The following DIXDC1 variants were observed in gnomAD, a reference collection of about 807,000 sequenced individuals.
DIXDC1 encodes DIX domain containing 1, also known as dixin.
A neutral mutation model predicts 103.1 loss-of-function variants in DIXDC1; 64 were observed. The ratio of observed to expected loss-of-function variants is 0.62; its 90% CI spans 0.51 to 0.76. The LOEUF (loss-of-function observed/expected upper bound fraction) is 0.76. Ranked by LOEUF, DIXDC1 falls within the 30% of genes least tolerant of loss-of-function variation. The pLI, the probability that DIXDC1 is intolerant of heterozygous loss-of-function variation, is 0.00. For synonymous variants in DIXDC1, 266 were observed against 298.5 expected, an observed-to-expected ratio of 0.89 and a Z score of 1.12; for missense variants, 759 against 834.2, an observed-to-expected ratio of 0.91 and a Z score of 1.11.
Position 111,937,386 on chromosome 11 carries a change from T to C in DIXDC1, c.-114T>C. The C allele has an allele frequency of 1.4e-6, 2 of 1,480,396 alleles. No individual in the cohort carries two copies. The highest frequency in any genetic ancestry group is 1.8e-6 in the Non-Finnish European group (2 of 1,115,532). 91.7% of individuals were successfully genotyped at this position (1,480,396 alleles called of 1,614,324 possible). ...GTTTCCAGTAAGTGGCATGCGGGAC[T>C]CCGGAGGGATCCCAATGAGCTGAGC... On this transcript the variant is annotated 5_prime_UTR_variant, in exon 1 of 20. Coordinates refer to ENST00000440460, the MANE Select transcript of DIXDC1 (RefSeq NM_001037954.4).
At chr11:111,937,306 G>C, upstream of DIXDC1, 1 of 1,335,614 alleles carries the variant, frequency 7.5e-7, no homozygotes, top group East Asian at 3.0e-5. Context: ...CCCCTCCAGC[G>C]GAGGCCCCCG....
intron 1 of DIXDC1, among the ~76,000 whole-genome samples, chr11:111,943,196 A>T (rs1245059027): frequency 6.6e-6 from 1 of 151,928 alleles, no homozygotes; most frequent in African/African-American, 2.4e-5. Flanking sequence ...GAGTGCAGTG[A>T]TGTGATCTCA....
intron 10 of DIXDC1, among the ~76,000 whole-genome samples, chr11:111,992,147 G>A (rs1216667308): frequency 6.6e-6 from 1 of 152,098 alleles, no homozygotes; most frequent in African/African-American, 2.4e-5. Context: ...CAGGATTGAG[G>A]GTGGGGACAA....
chr11:112,014,064 T>G (rs1861512319), intron 17 of DIXDC1, among the ~76,000 whole-genome samples: 1 of 152,122 alleles, frequency 6.6e-6, no homozygotes, highest in Admixed American at 6.5e-5. Context: ...ATTAATCTAG[T>G]CTTGAGGAAT....
At chr11:111,937,682 C>A (rs1244144254) in intron 1 of DIXDC1, 123 bp downstream of exon 1, 2 of 959,412 alleles carry the variant, frequency 2.1e-6, no homozygotes, top group East Asian at 2.7e-5. Flanking sequence ...CCCCCAGAAC[C>A]CCAAAGGGGC....
intron 9 of DIXDC1, among the ~76,000 whole-genome samples, chr11:111,987,237 G>A (rs780075434): frequency 1.5e-4 from 22 of 150,436 alleles, no homozygotes; most frequent in Non-Finnish European, 2.8e-4. Context: ...GCAACAAAGT[G>A]AGACTCCATC....
At chr11:111,948,174 A>G (rs1249502705) in intron 1 of DIXDC1, among the ~76,000 whole-genome samples, 4 of 152,188 alleles carry the variant, frequency 2.6e-5, no homozygotes, top group Non-Finnish European at 5.9e-5. Context: ...CCACTTCTAC[A>G]AGGCCACATA....
chr11:111,931,420 G>A (rs1478888568), intron 2 of DIXDC1, among the ~76,000 whole-genome samples: 1 of 152,074 alleles, frequency 6.6e-6, no homozygotes, highest in African/African-American at 2.4e-5. Flanking sequence ...GAGGCTGAGG[G>A]GGGTGGATCA....
At chr11:111,933,573 G>GC (rs1328708786), upstream of DIXDC1, among the ~76,000 whole-genome samples, 4 of 151,744 alleles carry the variant, frequency 2.6e-5, no homozygotes, top group East Asian at 7.8e-4. Flanking sequence ...GGGACTATGG[G>GC]CACATACCAC....
At chr11:111,944,323 C>T (rs1397683274) in intron 1 of DIXDC1, among the ~76,000 whole-genome samples, 3 of 152,192 alleles carry the variant, frequency 2.0e-5, no homozygotes, top group Non-Finnish European at 4.4e-5. Flanking sequence ...AACATAGAGT[C>T]GCCTCCTTGG....
intron 17 of DIXDC1, among the ~76,000 whole-genome samples, chr11:112,000,407 A>G (rs183243752): frequency 3.2e-4 from 49 of 152,280 alleles, no homozygotes; most frequent in African/African-American, 1.1e-3. Context: ...AAGAAGATAA[A>G]GAAATGGCCA....
intron 1 of DIXDC1, among the ~76,000 whole-genome samples, chr11:111,951,824 A>G (rs1319109657): frequency 1.3e-5 from 2 of 150,458 alleles, no homozygotes; most frequent in African/African-American, 4.9e-5. Flanking sequence ...TTCTGCCATG[A>G]TTGTGAGGCT....
intron 17 of DIXDC1, among the ~76,000 whole-genome samples, chr11:112,009,502 CA>C (rs1172984418): frequency 1.3e-5 from 2 of 151,552 alleles, no homozygotes; most frequent in Non-Finnish European, 2.9e-5. Flanking sequence ...AGAGACATAA[CA>C]AAAAAAAGAG....
At position 112,016,747 on chromosome 11, in the gene DIXDC1, T is replaced by C; in HGVS notation, c.1813T>C (p.Tyr605His). The C allele has an allele frequency of 6.2e-7, 1 of 1,609,982 alleles. No individual in the cohort carries two copies. The highest frequency in any genetic ancestry group is 1.1e-5 in the South Asian group (1 of 90,170). Residue 605 changes from tyrosine (Y) to histidine (H), a missense_variant, in exon 18 of 20, where the codon TAT becomes CAT. Physicochemically the swap from Tyr to His is moderately conservative, Grantham distance 83. Around this residue, in one of 3 missense-constraint regions of DIXDC1, gnomAD observed 657 missense variants for 727.5 expected, o/e 0.90. Transcript: ENST00000440460. Reference sequence around the variant, plus strand: ...CAGCAGCACCTGTACTAAAGTGCTCTATTTCACTGACCGGTCACTTACGCC... The same window carrying C: ...CAGCAGCACCTGTACTAAAGTGCTCCATTTCACTGACCGGTCACTTACGCC... ...TVSSTCTKVLYFTDRSLTPFM... is the reference protein window; with the variant it reads ...TVSSTCTKVLHFTDRSLTPFM...
At chr11:112,003,127 A>T (rs1274654523) in intron 17 of DIXDC1, among the ~76,000 whole-genome samples, 1 of 152,222 alleles carries the variant, frequency 6.6e-6, no homozygotes, top group African/African-American at 2.4e-5. Flanking sequence ...GTTAATGGAT[A>T]CAAAAATACA....
intron 1 of DIXDC1, among the ~76,000 whole-genome samples, chr11:111,944,349 G>C (rs1368229096): frequency 6.6e-6 from 1 of 152,148 alleles, no homozygotes; most frequent in African/African-American, 2.4e-5. Flanking sequence ...TCTGCTCTAA[G>C]AACAGTAGAT....
At position 111,974,971 on chromosome 11, in the gene DIXDC1, C is replaced by A; in HGVS notation, c.644C>A (p.Ser215Tyr). The change falls in exon 5 of 20, where the codon TCC (serine) becomes TAC (tyrosine). Residue 215 changes from serine (S) to tyrosine (Y), a missense_variant. Physicochemically the swap from Ser to Tyr is moderately radical, Grantham distance 144. This residue lies in a region of DIXDC1 where 657 missense variants were observed against 727.5 expected (regional missense o/e 0.90). Transcript: ENST00000440460. ...GGGCAACAAAGGTCCCCGTCTGAAT[C>A]CAGCTGCTCCAGGTAACTGTGGCCT... ...YEGQQRSPSESSCSSLTSPSP... is the reference protein window; with the variant it reads ...YEGQQRSPSEYSCSSLTSPSP... 1 of 1,611,496 alleles carries A rather than the reference C, an allele frequency of 6.2e-7. No individual in the cohort carries two copies. Among genetic ancestry groups the A allele is most frequent in the South Asian group, 1.1e-5 (1 of 90,434 alleles).
At chr11:112,018,773 T>TA (rs146677793) in intron 19 of DIXDC1, among the ~76,000 whole-genome samples, 183 bp from the exon 20 acceptor site, 1,784 of 152,316 alleles carry the variant, frequency 0.012, 21 homozygotes, top group African/African-American at 0.04. Flanking sequence ...AACCATTTCA[T>TA]AGATGTGGAT....
chr11:111,968,435 C>A, intron 2 of DIXDC1, 78 bp from the exon 3 acceptor site: 1 of 1,482,254 alleles, frequency 6.7e-7, no homozygotes, highest in South Asian at 1.3e-5. Flanking sequence ...CAAATCTTCC[C>A]TTCCTCTGTG....
Sources: gnomAD v4.1 joint callset for allele counts (sites outside exome capture counted in the v4.1 genomes callset) on GRCh38, gnomAD v4.1.1 for gene constraint, gnomAD v4.1.1 regional missense constraint, MANE v1.5 for transcripts, NCBI Gene and HGNC (gene_info 2026-07-23, HGNC 2026-07-21) for gene names.